Variants in TCF25 observed in about 807,000 individuals in gnomAD.
TCF25 encodes the protein ribosome quality control complex subunit TCF25.
Under a neutral mutation model 83.1 loss-of-function variants are expected in TCF25, and 41 were observed. The observed-to-expected ratio is 0.49, with a 90% CI of 0.38 to 0.64. The LOEUF is 0.64. Among genes scored for constraint, TCF25 ranks in the 30% least tolerant of loss-of-function variants. TCF25 has a pLI of 0.00. For missense variants in TCF25, 979 were observed against 914.5 expected (o/e 1.07, Z -0.91); for synonymous variants, 458 against 365.0 (o/e 1.25, Z -2.90).
At chr16:89,885,741 G>A (rs2042955012) in intron 3 of TCF25, 107 bp from the exon 4 acceptor site, 5 of 911,582 alleles carry the variant, frequency 5.5e-6, no homozygotes, top group Non-Finnish European at 7.0e-6. Context: ...CCTTTAGGAA[G>A]TAAATACAGT....
intron 14 of TCF25, 91 bp downstream of exon 14, chr16:89,905,187 G>T (rs535898489): frequency 1.4e-6 from 2 of 1,450,824 alleles, no homozygotes; most frequent in East Asian, 5.0e-5. Flanking sequence ...GAGGCGAGAA[G>T]GGCTGTGAGC....
At chr16:89,884,097 T>C (rs1328522091) in intron 2 of TCF25, 2 of 168,906 alleles carry the variant, frequency 1.2e-5, no homozygotes, top group South Asian at 1.3e-4. Flanking sequence ...GAGCCTCTGG[T>C]TGGGAGGGCA....
intron 5 of TCF25, chr16:89,890,738 T>G (rs933812773): frequency 2.6e-5 from 4 of 152,178 alleles, no homozygotes; most frequent in African/African-American, 9.7e-5. Flanking sequence ...TTGCATGGTT[T>G]TATTTCTGCA....
intron 4 of TCF25, among the ~76,000 whole-genome samples, chr16:89,887,118 C>T (rs772909569): frequency 2.6e-5 from 4 of 151,980 alleles, no homozygotes; most frequent in Non-Finnish European, 5.9e-5. Flanking sequence ...ACTGCAGCCT[C>T]GACCTCCTGG....
intron 13 of TCF25, chr16:89,904,519 A>T (rs976156747): frequency 4.0e-6 from 2 of 495,926 alleles, no homozygotes; most frequent in Admixed American, 3.3e-5. Context: ...GGTCAAAGGT[A>T]CAGTGAGCTG....
chr16:89,884,197 G>A (rs945838656), intron 2 of TCF25: 2 of 217,590 alleles, frequency 9.2e-6, no homozygotes, highest in Non-Finnish European at 1.9e-5. Context: ...AGAAGGGGTT[G>A]GCCAGGTGCA....
rs572238529 is a variant in TCF25 at position 89,898,897 on chromosome 16, C to T, written c.1221+25C>T. The T allele has an allele frequency of 2.8e-5, 45 of 1,602,576 alleles. 1 individual carries two copies. Among genetic ancestry groups the T allele is most frequent in the South Asian group, 1.1e-4 (10 of 90,784 alleles). ...GGTGGGTGCGAGCCTGGTGAGGCCC[C>T]GTGGAGGGACGGACACCTGCTTCTC... On this transcript the variant is annotated intron_variant, in intron 11 of 17. Transcript: ENST00000263346.
intron 9 of TCF25, among the ~76,000 whole-genome samples, chr16:89,897,214 G>A (rs1013553363): frequency 2.0e-5 from 3 of 152,190 alleles, no homozygotes; most frequent in South Asian, 4.1e-4. Context: ...CCTGACCCTC[G>A]CTCCCCTGTG....
At chr16:89,903,607 A>G (rs1302989447) in intron 12 of TCF25, among the ~76,000 whole-genome samples, 1 of 152,012 alleles carries the variant, frequency 6.6e-6, no homozygotes, top group Non-Finnish European at 1.5e-5. Context: ...AGAGTTCAAG[A>G]CCAGCCTGGC....
At chr16:89,904,865 T>C in intron 13 of TCF25, 73 bp from the exon 14 acceptor site, 3 of 1,540,042 alleles carry the variant, frequency 1.9e-6, no homozygotes, top group Non-Finnish European at 2.6e-6. Context: ...TGCCCATCCA[T>C]GGGGCTCTGC....
At chr16:89,889,351 A>G in intron 5 of TCF25, 1 of 279,562 alleles carries the variant, frequency 3.6e-6, no homozygotes, top group South Asian at 3.3e-5. Flanking sequence ...ATTTTATTTT[A>G]TTTTTTATAG....
intron 13 of TCF25, 148 bp downstream of exon 13, chr16:89,904,353 T>G: frequency 1.2e-6 from 1 of 853,528 alleles, no homozygotes; most frequent in South Asian, 1.6e-5. Flanking sequence ...TCATTTGACA[T>G]GGGACGGCTC....
intron 7 of TCF25, among the ~76,000 whole-genome samples, chr16:89,894,654 A>G (rs1420995313): frequency 2.6e-5 from 4 of 152,124 alleles, no homozygotes; most frequent in Non-Finnish European, 4.4e-5. Context: ...TCGACCCGGT[A>G]ATTCCCCCGT....
chr16:89,876,927 T>TAAAAAAAAAAA (rs71137687), intron 1 of TCF25, among the ~76,000 whole-genome samples: 1 of 68,012 alleles, frequency 1.5e-5, no homozygotes, highest in Non-Finnish European at 2.6e-5. Flanking sequence ...AGACTCCATC[T>TAAAAAAAAAAA]AAAAAAAAAA....
At chr16:89,881,232 GTCTT>G (rs2042583978) in intron 1 of TCF25, among the ~76,000 whole-genome samples, 1 of 152,164 alleles carries the variant, frequency 6.6e-6, no homozygotes, top group African/African-American at 2.4e-5. Context: ...CGGGGTGTCT[GTCTT>G]CCCAGGTGCA....
intron 1 of TCF25, among the ~76,000 whole-genome samples, chr16:89,880,421 T>G (rs1165196651): frequency 6.6e-6 from 1 of 152,072 alleles, no homozygotes; most frequent in Non-Finnish European, 1.5e-5. Flanking sequence ...CCATCTGTAC[T>G]AAAAATACAA....
Position 89,895,150 on chromosome 16 carries a change from C to G in TCF25, c.928+13C>G. ...CGAGACCTCGTAGGTAAGGCAGAGCCCCCACCCCATTCCCCTCAGCTGTGG... is the reference window on the plus strand; with the variant it reads ...CGAGACCTCGTAGGTAAGGCAGAGCGCCCACCCCATTCCCCTCAGCTGTGG... On this transcript the variant is annotated intron_variant, in intron 8 of 17. Coordinates refer to ENST00000263346, the MANE Select transcript of TCF25 (RefSeq NM_014972.3). The G allele has an allele frequency of 1.2e-6, 2 of 1,609,974 alleles. No individual in the cohort carries two copies. Among genetic ancestry groups the G allele is most frequent in the Non-Finnish European group, 1.7e-6 (2 of 1,177,838 alleles).
intron 5 of TCF25, among the ~76,000 whole-genome samples, chr16:89,888,978 C>T (rs1178972507): frequency 2.6e-5 from 4 of 151,268 alleles, no homozygotes; most frequent in South Asian, 2.1e-4. Flanking sequence ...TGAGCCATGG[C>T]GCCCGGCCCA....
At chr16:89,886,872 G>C (rs1434995535) in intron 4 of TCF25, among the ~76,000 whole-genome samples, 1 of 152,246 alleles carries the variant, frequency 6.6e-6, no homozygotes, top group African/African-American at 2.4e-5. Context: ...GGGAGGCAGA[G>C]GTTGCAGTGA....
Sources: gnomAD v4.1 joint callset for allele counts (sites outside exome capture counted in the v4.1 genomes callset) on GRCh38, gnomAD v4.1.1 for gene constraint, MANE v1.5 for transcripts, NCBI Gene and HGNC (gene_info 2026-07-23, HGNC 2026-07-21) for gene names.